SLC44A5: variants seen among roughly 807,000 people sequenced by gnomAD.
SLC44A5 encodes the protein solute carrier family 44 member 5, also known as choline transporter-like protein 5.
In SLC44A5, 57 loss-of-function variants were observed where a neutral mutation model predicts 101.8. The observed-to-expected ratio is 0.56, with a 90% CI of 0.45 to 0.70. SLC44A5 has a LOEUF of 0.70. Ranked by LOEUF, SLC44A5 falls within the 30% of genes least tolerant of loss-of-function variation. The pLI is 0.00. For synonymous variants in SLC44A5, 281 were observed against 290.9 expected (o/e 0.97, Z 0.35); for missense variants, 737 against 853.1 (o/e 0.86, Z 1.70).
intron 5 of SLC44A5, among the ~76,000 whole-genome samples, chr1:75,296,368 T>C (rs201485354): frequency 0.026 from 308 of 11,644 alleles, 3 homozygotes; most frequent in African/African-American, 0.099. Context: ...TTTTTTTTCT[T>C]TTTTTTTTTT....
At position 75,385,665 on chromosome 1, in the gene SLC44A5, T is replaced by A. The variant is rs147356668; in HGVS notation, c.52+10918A>T. Among the ~76,000 whole-genome samples the A allele has an allele frequency of 8.0e-3, 1,210 of 152,190 alleles. 26 individuals are homozygous for A. The highest frequency in any genetic ancestry group is 0.027 in the African/African-American group (1,136 of 41,496). ...CTGCTACCATTCCTTCTGAAATTATTCCAATCAATAGAAAAAGAGGGACTC... is the reference window on the plus strand; with the variant it reads ...CTGCTACCATTCCTTCTGAAATTATACCAATCAATAGAAAAAGAGGGACTC... On this transcript the variant is annotated intron_variant, in intron 3 of 23. Coordinates refer to ENST00000370859, the MANE Select transcript of SLC44A5 (RefSeq NM_001130058.2).
chr1:75,482,035 G>C (rs1432057829), intron 2 of SLC44A5, among the ~76,000 whole-genome samples: 1 of 152,056 alleles, frequency 6.6e-6, no homozygotes, highest in Non-Finnish European at 1.5e-5. Context: ...GTCCAACAAT[G>C]ATAGACTGGA....
intron 13 of SLC44A5, among the ~76,000 whole-genome samples, chr1:75,224,415 A>G (rs1270979690): frequency 3.9e-5 from 6 of 152,218 alleles, no homozygotes; most frequent in African/African-American, 1.2e-4. Context: ...TGGGTCTTTC[A>G]GGAATATTCC....
chr1:75,465,515 G>A (rs927631000), intron 2 of SLC44A5, among the ~76,000 whole-genome samples: 5 of 151,678 alleles, frequency 3.3e-5, no homozygotes, highest in East Asian at 1.9e-4. Context: ...ATTAGTAGAC[G>A]AAAAGAAATA....
intron 2 of SLC44A5, among the ~76,000 whole-genome samples, chr1:75,436,142 G>A (rs972784733): frequency 6.6e-6 from 1 of 152,064 alleles, no homozygotes; most frequent in Non-Finnish European, 1.5e-5. Context: ...TGGTTTTCAA[G>A]ATGTAAACAT....
intron 3 of SLC44A5, among the ~76,000 whole-genome samples, chr1:75,345,145 G>T (rs1161088061): frequency 2.0e-5 from 3 of 150,714 alleles, no homozygotes; most frequent in South Asian, 2.1e-4. Flanking sequence ...TAGATTAAAG[G>T]AAGTTAATAG....
the SLC44A5 span, among the ~76,000 whole-genome samples, chr1:75,621,093 G>T: frequency 3.4e-4 from 52 of 152,264 alleles, no homozygotes; most frequent in African/African-American, 1.2e-3. Context: ...CAATGAGAAT[G>T]ATCACAGTAA....
intron 5 of SLC44A5, among the ~76,000 whole-genome samples, chr1:75,281,854 T>C (rs1417173389): frequency 6.6e-6 from 1 of 152,150 alleles, no homozygotes; most frequent in Non-Finnish European, 1.5e-5. Flanking sequence ...AGAGGATGTA[T>C]GGAAATGCCT....
intron 1 of SLC44A5, among the ~76,000 whole-genome samples, chr1:75,576,112 G>A (rs891919774): frequency 1.3e-5 from 2 of 151,848 alleles, no homozygotes; most frequent in African/African-American, 4.8e-5. Flanking sequence ...AAAGGTGGGG[G>A]CGGGGAGTGG....
chr1:75,591,450 G>C (rs1257290811), intron 1 of SLC44A5, among the ~76,000 whole-genome samples: 1 of 152,076 alleles, frequency 6.6e-6, no homozygotes, highest in Non-Finnish European at 1.5e-5. Context: ...TGTTGGATTT[G>C]ATTACCTAGT....
chr1:75,468,822 C>T (rs1436598461), intron 2 of SLC44A5, among the ~76,000 whole-genome samples: 1 of 151,982 alleles, frequency 6.6e-6, no homozygotes, highest in African/African-American at 2.4e-5. Flanking sequence ...ACAAGAAGAG[C>T]ATAATTTGAT....
chr1:75,363,631 C>T (rs1659658092), intron 3 of SLC44A5, among the ~76,000 whole-genome samples: 1 of 152,024 alleles, frequency 6.6e-6, no homozygotes, highest in Non-Finnish European at 1.5e-5. Context: ...TATTTCTCAA[C>T]AATTTATTGT....
chr1:75,472,949 G>A (rs1667189240), intron 2 of SLC44A5, among the ~76,000 whole-genome samples: 1 of 152,118 alleles, frequency 6.6e-6, no homozygotes, highest in Admixed American at 6.5e-5. Flanking sequence ...AGACTTCTGT[G>A]TGATGAATTG....
At chr1:75,671,909 A>T in the SLC44A5 span, among the ~76,000 whole-genome samples, 1 of 152,158 alleles carries the variant, frequency 6.6e-6, no homozygotes, top group Non-Finnish European at 1.5e-5. Flanking sequence ...TATTAATAAT[A>T]CCTAATATGC....
chr1:75,437,117 T>C (rs1664936128), intron 2 of SLC44A5, among the ~76,000 whole-genome samples: 1 of 152,152 alleles, frequency 6.6e-6, no homozygotes, highest in Non-Finnish European at 1.5e-5. Context: ...GTAGAATAAG[T>C]ACACTCTAAA....
At chr1:75,589,373 T>G (rs531662584) in intron 1 of SLC44A5, among the ~76,000 whole-genome samples, 1 of 152,344 alleles carries the variant, frequency 6.6e-6, no homozygotes, top group East Asian at 1.9e-4. Context: ...CTCTCCCATT[T>G]TTAATACTCT....
chr1:75,676,343 A>G, the SLC44A5 span, among the ~76,000 whole-genome samples: 157 of 152,370 alleles, frequency 1.0e-3, no homozygotes, highest in African/African-American at 2.5e-3. Flanking sequence ...TGGTACATAT[A>G]GACCATGAAA....
At chr1:75,514,440 CAAAGGAA>C (rs1336217125) in intron 2 of SLC44A5, among the ~76,000 whole-genome samples, 1 of 152,138 alleles carries the variant, frequency 6.6e-6, no homozygotes, top group African/African-American at 2.4e-5. Context: ...CTACAGGCCC[CAAAGGAA>C]ATGCTAACAT....
chr1:75,656,314 A>G, the SLC44A5 span, among the ~76,000 whole-genome samples: 4 of 152,218 alleles, frequency 2.6e-5, no homozygotes, highest in African/African-American at 9.7e-5. Context: ...AAATAATCTG[A>G]AGGCATAAAA....
Sources: gnomAD v4.1 joint callset for allele counts (sites outside exome capture counted in the v4.1 genomes callset) on GRCh38, gnomAD v4.1.1 for gene constraint, MANE v1.5 for transcripts, NCBI Gene and HGNC (gene_info 2026-07-23, HGNC 2026-07-21) for gene names.